ADAM12: variants seen among roughly 807,000 people sequenced by gnomAD.
ADAM12 encodes the protein disintegrin and metalloproteinase domain-containing protein 12.
ADAM12 carries 70 observed loss-of-function variants against 106.4 expected under a neutral mutation model. The ratio of observed to expected loss-of-function variants is 0.66; its 90% confidence interval spans 0.54 to 0.80. ADAM12 has a LOEUF of 0.80. Ranked by LOEUF, ADAM12 falls within the 30% of genes least tolerant of loss-of-function variation. The pLI, the probability that ADAM12 is intolerant of heterozygous loss-of-function variation, is 0.00. For synonymous variants in ADAM12, 420 were observed against 433.5 expected (o/e 0.97, Z 0.39); for missense variants, 1,010 against 1,171.9 (o/e 0.86, Z 2.02).
intron 2 of ADAM12, among the ~76,000 whole-genome samples, chr10:126,280,151 A>C (rs896024936): frequency 6.6e-6 from 1 of 152,210 alleles, no homozygotes; most frequent in Non-Finnish European, 1.5e-5. Flanking sequence ...CAAATGTCCA[A>C]CATGAAAATA....
At chr10:126,109,633 C>T in intron 7 of ADAM12, 142 bp downstream of exon 7, 1 of 613,992 alleles carries the variant, frequency 1.6e-6, no homozygotes, top group Non-Finnish European at 2.7e-6. Context: ...ATCAGAAAAC[C>T]ATTGTTTCAA....
At chr10:126,144,774 G>A (rs968121947) in intron 4 of ADAM12, among the ~76,000 whole-genome samples, 2 of 152,178 alleles carry the variant, frequency 1.3e-5, no homozygotes, top group East Asian at 1.9e-4. Context: ...ATGGTACAGC[G>A]TGGGGAAGAA....
intron 3 of ADAM12, among the ~76,000 whole-genome samples, chr10:126,249,378 C>A (rs1246430583): frequency 6.6e-6 from 1 of 152,134 alleles, no homozygotes; most frequent in Non-Finnish European, 1.5e-5. Flanking sequence ...GAAGCAGACG[C>A]CTTACAAATT....
At chr10:126,138,025 G>A (rs906570319) in intron 4 of ADAM12, among the ~76,000 whole-genome samples, 1 of 152,120 alleles carries the variant, frequency 6.6e-6, no homozygotes, top group African/African-American at 2.4e-5. Flanking sequence ...AGCATTACAC[G>A]AGGGCTCTAA....
At chr10:126,170,690 C>T (rs2133762197) in intron 3 of ADAM12, among the ~76,000 whole-genome samples, 1 of 152,236 alleles carries the variant, frequency 6.6e-6, no homozygotes, top group African/African-American at 2.4e-5. Flanking sequence ...TAAAATAAAA[C>T]CATTAATCCC....
chr10:126,143,413 G>A (rs1302046448), intron 4 of ADAM12, among the ~76,000 whole-genome samples: 1 of 149,436 alleles, frequency 6.7e-6, no homozygotes, highest in Non-Finnish European at 1.5e-5. Context: ...GTGTGCAGAT[G>A]TGTGAATGTG....
chr10:126,340,322 G>A (rs995415068), intron 1 of ADAM12, among the ~76,000 whole-genome samples: 2 of 152,176 alleles, frequency 1.3e-5, no homozygotes, highest in African/African-American at 2.4e-5. Context: ...TGATTACAAC[G>A]AATGCTAATT....
At chr10:126,022,150 A>AG (rs1188251538) in intron 21 of ADAM12, among the ~76,000 whole-genome samples, 4 of 152,208 alleles carry the variant, frequency 2.6e-5, no homozygotes, top group Non-Finnish European at 5.9e-5. Context: ...CATAGGAGAT[A>AG]GTTAGGTTAG....
At chr10:126,387,355 G>T (rs986985085) in intron 1 of ADAM12, among the ~76,000 whole-genome samples, 1 of 152,124 alleles carries the variant, frequency 6.6e-6, no homozygotes, top group Non-Finnish European at 1.5e-5. Context: ...GTAAGTTCTC[G>T]CTGTGCACCA....
intron 4 of ADAM12, chr10:126,145,701 A>T (rs1375877748): frequency 6.6e-6 from 1 of 152,246 alleles, no homozygotes; most frequent in African/African-American, 2.4e-5. Flanking sequence ...AAAGATAGCA[A>T]GAACTGATTT....
intron 1 of ADAM12, among the ~76,000 whole-genome samples, chr10:126,352,553 T>G (rs571718570): frequency 1.3e-5 from 2 of 152,364 alleles, no homozygotes; most frequent in African/African-American, 4.8e-5. Context: ...CTTGGTACTA[T>G]ATGAACTGCT....
Position 126,017,232 on chromosome 10 carries a change from G to GAT in ADAM12, c.*45_*46dup. 2.0e-6 allele frequency: 3 copies of GAT among 1,493,594 alleles called. No individual in the cohort carries two copies. Among genetic ancestry groups the GAT allele is most frequent in the Non-Finnish European group, 2.7e-6 (3 of 1,103,174 alleles). 92.5% of individuals were successfully genotyped at this position (1,493,594 alleles called of 1,614,324 possible). A position where few individuals can be genotyped will look rare whatever the true frequency, so the allele number is the denominator to read the frequency against. On this transcript the variant is annotated 3_prime_UTR_variant, in exon 23 of 23. Transcript: ENST00000448723. Reference sequence around the variant, plus strand: ...CAAAAAACTCCAACTGGAGCTGAAAGATAGTGCAAACTTCTGTCTTCACTG... The same window carrying GAT: ...CAAAAAACTCCAACTGGAGCTGAAAGATATAGTGCAAACTTCTGTCTTCACTG...
At chr10:126,123,094 A>T (rs550611345) in intron 5 of ADAM12, among the ~76,000 whole-genome samples, 4 of 152,300 alleles carry the variant, frequency 2.6e-5, no homozygotes, top group Middle Eastern at 6.8e-3. Context: ...ACTGCAAACA[A>T]TTGGCAGCCT....
chr10:126,259,358 A>C (rs1680807742), intron 3 of ADAM12, among the ~76,000 whole-genome samples: 1 of 152,218 alleles, frequency 6.6e-6, no homozygotes, highest in African/African-American at 2.4e-5. Flanking sequence ...GAGGAAAGTC[A>C]AGCTCTGCAA....
At chr10:126,228,714 G>C (rs1024598395) in intron 3 of ADAM12, among the ~76,000 whole-genome samples, 1 of 152,140 alleles carries the variant, frequency 6.6e-6, no homozygotes, top group Non-Finnish European at 1.5e-5. Context: ...AGGAGGAAGG[G>C]GTGGACTTTA....
At position 126,105,499 on chromosome 10, in the gene ADAM12, C is replaced by T. The variant is rs569022016; in HGVS notation, c.741+3094G>A. ...GGCACCTGCGCTCCCAGCTCAGGCACCTAAGCCTTCCGCCCTCTAGGCCAG... is the reference window on the plus strand; with the variant it reads ...GGCACCTGCGCTCCCAGCTCAGGCATCTAAGCCTTCCGCCCTCTAGGCCAG... On this transcript the variant is annotated intron_variant, in intron 8 of 22. Coordinates refer to ENST00000448723, the MANE Select transcript of ADAM12 (RefSeq NM_001288973.2). 7.9e-5 allele frequency among the ~76,000 whole-genome samples: 12 copies of T among 152,314 alleles called. No individual in the cohort carries two copies. In the South Asian group the frequency reaches 2.1e-3, roughly 26 times the overall value.
At chr10:126,031,428 A>T (rs538099556) in intron 21 of ADAM12, among the ~76,000 whole-genome samples, 1 of 152,312 alleles carries the variant, frequency 6.6e-6, no homozygotes. Flanking sequence ...GAACAGTTTG[A>T]AAGTTTGGAC....
At chr10:126,346,325 A>G (rs981580661) in intron 1 of ADAM12, among the ~76,000 whole-genome samples, 8 of 152,050 alleles carry the variant, frequency 5.3e-5, no homozygotes, top group Admixed American at 2.6e-4. Flanking sequence ...CATGTAGCTG[A>G]GCGGTTTTTA....
chr10:126,067,123 C>A (rs2133485506), intron 12 of ADAM12: 1 of 312,468 alleles, frequency 3.2e-6, no homozygotes, highest in Non-Finnish European at 6.2e-6. Flanking sequence ...AGAGGGGTGT[C>A]CAGGCGGATC....
Sources: gnomAD v4.1 joint callset for allele counts (sites outside exome capture counted in the v4.1 genomes callset) on GRCh38, gnomAD v4.1.1 for gene constraint, MANE v1.5 for transcripts, NCBI Gene and HGNC (gene_info 2026-07-23, HGNC 2026-07-21) for gene names.